ANKS1B: variants seen among roughly 807,000 people sequenced by gnomAD.
ANKS1B encodes the protein ankyrin repeat and sterile alpha motif domain containing 1B, also known as ankyrin repeat and sterile alpha motif domain-containing protein 1B.
A neutral mutation model predicts 148.3 loss-of-function variants in ANKS1B; 36 were observed. The ratio of observed to expected loss-of-function variants is 0.24; its 90% CI spans 0.19 to 0.32. The LOEUF is 0.32. Among genes scored for constraint, ANKS1B ranks in the 10% least tolerant of loss-of-function variants. The probability of loss-of-function intolerance (pLI) is 1.00; values close to 1 mark genes in which losing one functional copy is unlikely to be tolerated. For missense variants in ANKS1B, 1,157 were observed against 1,542.6 expected, an observed-to-expected ratio of 0.75 and a Z score of 4.19; for synonymous variants, 542 against 560.8, an observed-to-expected ratio of 0.97 and a Z score of 0.47.
At chr12:99,040,914 C>T (rs779845727) in intron 17 of ANKS1B, among the ~76,000 whole-genome samples, 8 of 152,126 alleles carry the variant, frequency 5.3e-5, no homozygotes, top group South Asian at 4.1e-4. Context: ...TCCAAATCCC[C>T]GCAGTCTAGC....
At chr12:99,806,084 TCTGA>T (rs747964880) in intron 4 of ANKS1B, among the ~76,000 whole-genome samples, 2 of 152,238 alleles carry the variant, frequency 1.3e-5, no homozygotes, top group African/African-American at 2.4e-5. Flanking sequence ...TTCATTAAAC[TCTGA>T]CTGGATTCCT....
intron 14 of ANKS1B, among the ~76,000 whole-genome samples, chr12:99,194,333 G>A (rs980173972): frequency 1.3e-5 from 2 of 151,992 alleles, no homozygotes; most frequent in Non-Finnish European, 2.9e-5. Flanking sequence ...ATGAGTTTAG[G>A]TCATTTCCTG....
chr12:98,801,157 G>T lies in ANKS1B; in HGVS notation c.3142-32C>A. Reference sequence around the variant, plus strand: ...ATGACATTTATTCTAGAGGCAATATGAGCAGTCAGCAAAGTTCATTCCCTG... The same window carrying T: ...ATGACATTTATTCTAGAGGCAATATTAGCAGTCAGCAAAGTTCATTCCCTG... On this transcript the variant is annotated intron_variant, in intron 20 of 26. Coordinates refer to ENST00000683438, the MANE Select transcript of ANKS1B (RefSeq NM_001352186.2). The surrounding 1 kb of genome is among the most constrained non-coding windows in gnomAD (Gnocchi z 5.2). 1 of 1,607,526 alleles carries T rather than the reference G, an allele frequency of 6.2e-7. No individual in the cohort carries two copies. The highest frequency in any genetic ancestry group is 8.5e-7 in the Non-Finnish European group (1 of 1,176,558).
intron 8 of ANKS1B, among the ~76,000 whole-genome samples, chr12:99,715,502 G>A (rs992121698): frequency 5.3e-5 from 8 of 151,930 alleles, no homozygotes; most frequent in East Asian, 3.9e-4. Flanking sequence ...GACTCTTTTC[G>A]GACTCAGCCC....
rs76665035 is a variant in ANKS1B at position 99,841,014 on chromosome 12, C to T, written c.135-15625G>A. Among the ~76,000 whole-genome samples the T allele has an allele frequency of 8.1e-3, 1,226 of 152,180 alleles. 16 individuals carry two copies. Among genetic ancestry groups the T allele is most frequent in the African/African-American group, 0.028 (1,159 of 41,520 alleles). ...TGGAATAGCATAATGGATAAAAGCA[C>T]GGACTCAGGATTCAAACTGTCTGGA... On this transcript the variant is annotated intron_variant, in intron 1 of 26. Coordinates refer to ENST00000683438, the MANE Select transcript of ANKS1B (RefSeq NM_001352186.2).
At chr12:98,919,949 C>G (rs183834607) in intron 17 of ANKS1B, among the ~76,000 whole-genome samples, 1 of 152,294 alleles carries the variant, frequency 6.6e-6, no homozygotes, top group African/African-American at 2.4e-5. Context: ...GGAAAACTCA[C>G]TAATTCAACA....
At chr12:99,839,574 A>C (rs1460577647) in intron 1 of ANKS1B, among the ~76,000 whole-genome samples, 2 of 152,304 alleles carry the variant, frequency 1.3e-5, no homozygotes, top group East Asian at 3.9e-4. Context: ...TAGAACTCTT[A>C]AAAATATTTT....
chr12:98,841,898 G>A (rs2099408588), intron 17 of ANKS1B, among the ~76,000 whole-genome samples: 2 of 151,516 alleles, frequency 1.3e-5, no homozygotes, highest in Non-Finnish European at 1.5e-5. Flanking sequence ...CCATAAGAAT[G>A]GCTAATGTTA....
chr12:99,824,211 T>C (rs1348928609), intron 2 of ANKS1B, among the ~76,000 whole-genome samples: 2 of 152,124 alleles, frequency 1.3e-5, no homozygotes, highest in African/African-American at 2.4e-5. Context: ...TTACCACATC[T>C]AAAAGACTAA....
intron 9 of ANKS1B, among the ~76,000 whole-genome samples, chr12:99,641,333 A>AT (rs2098302659): frequency 6.6e-6 from 1 of 152,196 alleles, no homozygotes; most frequent in Non-Finnish European, 1.5e-5. Flanking sequence ...CTTGCCCAAG[A>AT]TTTTATGGCC....
chr12:99,194,171 T>C (rs1907672), intron 14 of ANKS1B, among the ~76,000 whole-genome samples: 37,279 of 151,982 alleles, frequency 0.25, 4,746 homozygotes, highest in Middle Eastern at 0.27. Context: ...CATTTATTCA[T>C]GGGAATTTTT....
intron 17 of ANKS1B, among the ~76,000 whole-genome samples, chr12:99,032,366 G>A (rs888602232): frequency 1.3e-5 from 2 of 152,180 alleles, no homozygotes; most frequent in South Asian, 2.1e-4. Flanking sequence ...CAGTGTGTCA[G>A]CAGGGCATTC....
chr12:99,772,795 G>A, intron 8 of ANKS1B, 127 bp downstream of exon 8: 1 of 988,316 alleles, frequency 1.0e-6, no homozygotes, highest in African/African-American at 1.7e-5. Context: ...CAGGAAAAGA[G>A]CAATAAGGAA....
chr12:99,393,934 A>G (rs2094159329), intron 12 of ANKS1B, among the ~76,000 whole-genome samples: 1 of 152,156 alleles, frequency 6.6e-6, no homozygotes, highest in Non-Finnish European at 1.5e-5. Flanking sequence ...GCAAAACCAC[A>G]ACCTATGTAA....
chr12:99,934,566 C>T lies in ANKS1B; in HGVS notation c.134+49538G>A, dbSNP rs574599652. ...AATTTTTTTGGTATATAGCTGCTCA[C>T]ACTAGTCTCTAATGATCTTTTGAAT... On this transcript the variant is annotated intron_variant, in intron 1 of 26. Transcript: ENST00000683438. Among the ~76,000 whole-genome samples the T allele has an allele frequency of 1.3e-4, 20 of 152,156 alleles. 1 individual carries two copies. Among genetic ancestry groups the T allele is most frequent in the Middle Eastern group, 3.4e-3 (1 of 294 alleles).
intron 1 of ANKS1B, among the ~76,000 whole-genome samples, chr12:99,839,955 T>C (rs1197533637): frequency 6.6e-6 from 1 of 152,138 alleles, no homozygotes; most frequent in East Asian, 1.9e-4. Context: ...CATTCACTCA[T>C]TCAAAAAATA....
chr12:99,423,371 C>A (rs149188278), intron 11 of ANKS1B, among the ~76,000 whole-genome samples: 291 of 152,246 alleles, frequency 1.9e-3, no homozygotes, highest in Middle Eastern at 3.4e-3. Flanking sequence ...AAGGAACACT[C>A]ATACACTGTT....
intron 8 of ANKS1B, among the ~76,000 whole-genome samples, chr12:99,731,701 A>C (rs1359174400): frequency 2.0e-5 from 3 of 152,188 alleles, no homozygotes; most frequent in Non-Finnish European, 4.4e-5. Flanking sequence ...TCAAACTATT[A>C]AACTTCTAGA....
intron 9 of ANKS1B, among the ~76,000 whole-genome samples, chr12:99,584,915 G>A (rs1276320863): frequency 6.6e-6 from 1 of 152,080 alleles, no homozygotes; most frequent in Non-Finnish European, 1.5e-5. Flanking sequence ...GATTATGGGA[G>A]CTACAATTCA....
Sources: gnomAD v4.1 joint callset for allele counts (sites outside exome capture counted in the v4.1 genomes callset) on GRCh38, gnomAD v4.1.1 for gene constraint, Gnocchi (gnomAD v3.1) non-coding constraint, MANE v1.5 for transcripts, NCBI Gene and HGNC (gene_info 2026-07-23, HGNC 2026-07-21) for gene names.